The following PDE10A variants were observed in gnomAD, a reference collection of about 807,000 sequenced individuals.
PDE10A encodes phosphodiesterase 10A.
A neutral mutation model predicts 97.7 loss-of-function variants in PDE10A; 39 were observed. The ratio of observed to expected loss-of-function variants is 0.40; its 90% confidence interval spans 0.31 to 0.52. PDE10A has a LOEUF of 0.52. Among genes scored for constraint, PDE10A ranks in the 20% least tolerant of loss-of-function variants. PDE10A has a pLI of 0.56. For missense variants in PDE10A, 731 were observed against 1,047.8 expected, an observed-to-expected ratio of 0.70 and a Z score of 4.17; for synonymous variants, 371 against 376.8, an observed-to-expected ratio of 0.98 and a Z score of 0.18.
chr6:165,448,192 G>C (rs1791008612), intron 5 of PDE10A, among the ~76,000 whole-genome samples: 1 of 152,120 alleles, frequency 6.6e-6, no homozygotes, highest in Admixed American at 6.6e-5. Flanking sequence ...AAACTTATGA[G>C]GGAATTTATA....
At chr6:165,593,675 A>G (rs1446830521) in intron 1 of PDE10A, among the ~76,000 whole-genome samples, 1 of 152,226 alleles carries the variant, frequency 6.6e-6, no homozygotes, top group Non-Finnish European at 1.5e-5. Context: ...GTAAACCTTT[A>G]TGTTTTATAA....
At position 165,648,265 on chromosome 6, in the gene PDE10A, G is replaced by A. The variant is rs556902850; in HGVS notation, c.865+13682C>T. Among the ~76,000 whole-genome samples, 283 of 152,150 alleles carry A rather than the reference G, an allele frequency of 1.9e-3. 3 individuals carry two copies. Among genetic ancestry groups the A allele is most frequent in the African/African-American group, 6.6e-3 (272 of 41,494 alleles). On this transcript the variant is annotated intron_variant, in intron 1 of 21. Coordinates refer to ENST00000539869, the MANE Select transcript of PDE10A (RefSeq NM_001385079.1). The stretch of plus-strand genomic sequence containing the variant: ...CTGACCTCGTGATCCACCCACCTCG[G>A]CCTCCCAAAGTGCTGGGATTACAGG...
intron 1 of PDE10A, among the ~76,000 whole-genome samples, chr6:165,565,155 A>G (rs759457118): frequency 3.3e-5 from 5 of 152,240 alleles, no homozygotes; most frequent in Non-Finnish European, 5.9e-5. Flanking sequence ...GGGAAGGAAG[A>G]AATAAAACTG....
At chr6:165,440,591 G>A (rs1187510520) in intron 5 of PDE10A, among the ~76,000 whole-genome samples, 1 of 152,150 alleles carries the variant, frequency 6.6e-6, no homozygotes, top group Non-Finnish European at 1.5e-5. Flanking sequence ...AACTCGGACA[G>A]TCATTACCCA....
chr6:165,640,567 T>C (rs561062710), intron 1 of PDE10A, among the ~76,000 whole-genome samples: 80 of 152,326 alleles, frequency 5.3e-4, no homozygotes, highest in African/African-American at 1.9e-3. Context: ...ATTCACACAC[T>C]GTTACAGACC....
intron 4 of PDE10A, among the ~76,000 whole-genome samples, chr6:165,449,879 T>C (rs1277826260): frequency 6.6e-6 from 1 of 152,180 alleles, no homozygotes; most frequent in African/African-American, 2.4e-5. Flanking sequence ...GTATATAAAA[T>C]TGTCATTTAC....
At chr6:165,810,254 A>C (rs1156612314) in intron 1 of PDE10A, among the ~76,000 whole-genome samples, 2 of 152,116 alleles carry the variant, frequency 1.3e-5, no homozygotes, top group African/African-American at 4.8e-5. Context: ...CATCATCCTG[A>C]CTGGGCTGCT....
intron 3 of PDE10A, among the ~76,000 whole-genome samples, chr6:165,466,077 G>A (rs1778633347): frequency 6.6e-6 from 1 of 152,150 alleles, no homozygotes; most frequent in South Asian, 2.1e-4. Flanking sequence ...CAGGGATTCT[G>A]CAAATCAACA....
chr6:165,655,079 G>A lies in PDE10A; in HGVS notation c.865+6868C>T, dbSNP rs745494729. ...CCGGCTCATAGCACAGAATTCCAGCGGGCCGTCCGTTCGCGTGTCAAACTT... is the reference window on the plus strand; with the variant it reads ...CCGGCTCATAGCACAGAATTCCAGCAGGCCGTCCGTTCGCGTGTCAAACTT... On this transcript the variant is annotated intron_variant, in intron 1 of 21. Transcript: ENST00000539869. The surrounding 1 kb of genome is among the most constrained non-coding windows in gnomAD (Gnocchi z 4.5). Among the ~76,000 whole-genome samples, 9 of 152,066 alleles carry A rather than the reference G, an allele frequency of 5.9e-5. No homozygotes were observed. Among genetic ancestry groups the A allele is most frequent in the Non-Finnish European group, 1.2e-4 (8 of 68,020 alleles).
intron 1 of PDE10A, among the ~76,000 whole-genome samples, chr6:165,858,581 G>T (rs1314296232): frequency 6.6e-6 from 1 of 152,204 alleles, no homozygotes; most frequent in Non-Finnish European, 1.5e-5. Flanking sequence ...GTCCACAGCA[G>T]ATAAGATCAC....
At chr6:165,583,429 T>C (rs1185529200) in intron 1 of PDE10A, among the ~76,000 whole-genome samples, 1 of 152,246 alleles carries the variant, frequency 6.6e-6, no homozygotes, top group Non-Finnish European at 1.5e-5. Flanking sequence ...ACCTGTAGAA[T>C]GTTGCCTTAT....
In PDE10A at chr6:165,845,863, C is replaced by T. The variant is rs569275117; in HGVS notation, c.-615+141666G>A. On this transcript the variant is annotated intron_variant, in intron 1 of 19. Coordinates refer to the PDE10A transcript ENST00000366882. Reference sequence around the variant, plus strand: ...AATAAGATTGTAAATCTGACCGATGCCTAGGTATGAGACCTCCAAACTTTC... The same window carrying T: ...AATAAGATTGTAAATCTGACCGATGTCTAGGTATGAGACCTCCAAACTTTC... 3.2e-4 allele frequency among the ~76,000 whole-genome samples: 49 copies of T among 152,124 alleles called. No homozygotes were observed. In the Middle Eastern group the frequency reaches 0.014, roughly 42 times the overall value.
chr6:165,510,026 A>T (rs1284829934), intron 2 of PDE10A, among the ~76,000 whole-genome samples: 1 of 152,072 alleles, frequency 6.6e-6, no homozygotes, highest in Non-Finnish European at 1.5e-5. Flanking sequence ...GCAAAGAGGG[A>T]CAACCTGACT....
At chr6:165,938,580 T>G (rs2500485) in intron 1 of PDE10A, among the ~76,000 whole-genome samples, 15,073 of 152,152 alleles carry the variant, frequency 0.099, 1,011 homozygotes, top group African/African-American at 0.18. Context: ...CAGGTTCCCA[T>G]GTGAACCCCA....
chr6:165,773,271 T>C (rs1778068205), intron 1 of PDE10A: 1 of 152,224 alleles, frequency 6.6e-6, no homozygotes, highest in Non-Finnish European at 1.5e-5. Flanking sequence ...TGTTTCCACA[T>C]CTGAAATAAC....
chr6:165,894,356 T>C (rs1397904428), intron 1 of PDE10A: 1 of 456,054 alleles, frequency 2.2e-6, no homozygotes, highest in Admixed American at 2.3e-5. Flanking sequence ...AGACTGAAAC[T>C]ACAGAAGGCC....
At chr6:165,408,988 A>G (rs1444991338) in intron 13 of PDE10A, among the ~76,000 whole-genome samples, 1 of 150,922 alleles carries the variant, frequency 6.6e-6, no homozygotes, top group Non-Finnish European at 1.5e-5. Context: ...ACACGGCGAA[A>G]CCCCATCTCT....
At chr6:165,421,730 T>G (rs1200148765) in intron 10 of PDE10A, among the ~76,000 whole-genome samples, 1 of 152,182 alleles carries the variant, frequency 6.6e-6, no homozygotes, top group East Asian at 1.9e-4. Flanking sequence ...TTATTTCATA[T>G]GTCAAAAAAA....
At chr6:165,835,316 T>C (rs967316215) in intron 1 of PDE10A, among the ~76,000 whole-genome samples, 1 of 152,264 alleles carries the variant, frequency 6.6e-6, no homozygotes, top group African/African-American at 2.4e-5. Context: ...TATTCCTTTA[T>C]ACGGATGGGC....
Sources: allele counts gnomAD v4.1 joint callset (sites outside exome capture counted in the v4.1 genomes callset), GRCh38; gene constraint gnomAD v4.1.1; non-coding constraint Gnocchi (gnomAD v3.1); transcripts MANE v1.5; gene names NCBI Gene and HGNC (gene_info 2026-07-23, HGNC 2026-07-21).